The following TTC3 variants were observed in gnomAD, a reference collection of about 807,000 sequenced individuals.
The protein encoded by TTC3 is E3 ubiquitin-protein ligase TTC3.
A neutral mutation model predicts 249.6 loss-of-function variants in TTC3; 180 were observed. The observed-to-expected ratio is 0.72, with a 90% CI of 0.64 to 0.82. TTC3 has a LOEUF of 0.82. Ranked by LOEUF, TTC3 falls within the 40% of genes least tolerant of loss-of-function variation. The pLI is 0.00. For synonymous variants in TTC3, 717 were observed against 805.0 expected, an observed-to-expected ratio of 0.89 and a Z score of 1.85; for missense variants, 2,061 against 2,398.4, an observed-to-expected ratio of 0.86 and a Z score of 2.94.
intron 14 of TTC3, 129 bp from the exon 15 acceptor site, chr21:37,125,951 C>T: frequency 9.7e-6 from 7 of 725,312 alleles, no homozygotes; most frequent in Non-Finnish European, 1.5e-5. Flanking sequence ...GGCTTAATAA[C>T]CAGCTGCATA....
At chr21:37,201,582 T>A (rs2085511793) in exon 46 of TTC3, 2 of 1,610,936 alleles carry the variant, frequency 1.2e-6, no homozygotes, top group Non-Finnish European at 8.5e-7. Context: ...TAGTCACACT[T>A]CACTAAAGTG....
chr21:37,157,115 T>C, intron 28 of TTC3: 1 of 1,414,308 alleles, frequency 7.1e-7, no homozygotes, highest in Non-Finnish European at 9.6e-7. Flanking sequence ...GATACTCAAA[T>C]GTAGGTATGT....
In TTC3 at chr21:37,192,093, C is replaced by T; in HGVS notation, c.5116-19C>T. The T allele has an allele frequency of 6.6e-7, 1 of 1,514,204 alleles. No homozygotes were observed. 93.8% of individuals were successfully genotyped at this position (1,514,204 alleles called of 1,614,324 possible). A position where few individuals can be genotyped will look rare whatever the true frequency, so the allele number is the denominator to read the frequency against. On this transcript the variant is annotated intron_variant, in intron 40 of 45. Coordinates refer to ENST00000355666, the Ensembl canonical transcript of TTC3. ...AATTGACAATTGTGGTTTTCCCACA[C>T]TTTACTTTCTACTCACAGTCTCAGT... is the stretch of plus-strand genomic sequence containing the variant.
In TTC3 at chr21:37,175,751, G is replaced by T. The variant is rs1411760348; in HGVS notation, c.4617+3007G>T. On this transcript the variant is annotated intron_variant, in intron 35 of 45. Coordinates refer to ENST00000355666, the Ensembl canonical transcript of TTC3. ...TAGGCCAGTTATCTATTCTCTGCCG[G>T]CGGAAAAGTGGCTTTTTAAATTTTT... Among the ~76,000 whole-genome samples the T allele has an allele frequency of 2.6e-5, 4 of 151,850 alleles. No homozygotes were observed. The East Asian group carries it at 7.8e-4, about 29-fold the overall frequency.
At chr21:37,079,434 A>G (rs1468161186) in intron 1 of TTC3, among the ~76,000 whole-genome samples, 6 of 150,848 alleles carry the variant, frequency 4.0e-5, no homozygotes, top group Non-Finnish European at 8.8e-5. Context: ...TTGAACAGTC[A>G]TAGGACTGTT....
At chr21:37,150,729 G>A (rs2079386396) in intron 24 of TTC3, 91 bp from the exon 25 acceptor site, 5 of 839,474 alleles carry the variant, frequency 6.0e-6, no homozygotes, top group African/African-American at 3.4e-5. Flanking sequence ...TGAACATTAT[G>A]TGTGCTTCTG....
chr21:37,150,742 A>G (rs527782293), intron 24 of TTC3, 78 bp from the exon 25 acceptor site: 147 of 927,806 alleles, frequency 1.6e-4, no homozygotes, highest in Non-Finnish European at 2.3e-4. Flanking sequence ...TGCTTCTGAA[A>G]TACTTGTTAC....
At chr21:37,077,818 A>G (rs1202175037) in intron 1 of TTC3, among the ~76,000 whole-genome samples, 2 of 152,084 alleles carry the variant, frequency 1.3e-5, no homozygotes, top group Non-Finnish European at 2.9e-5. Flanking sequence ...TGCGTTGTAA[A>G]TATCTTTTTC....
chr21:37,128,479 CTT>C (rs945802106), intron 15 of TTC3, among the ~76,000 whole-genome samples: 1 of 152,208 alleles, frequency 6.6e-6, no homozygotes, highest in African/African-American at 2.4e-5. Flanking sequence ...ACTCTCTACT[CTT>C]GAGTTCAGGC....
At chr21:37,192,763 T>C (rs2835657) in intron 41 of TTC3, among the ~76,000 whole-genome samples, 82,716 of 152,008 alleles carry the variant, frequency 0.54, 23,089 homozygotes, top group African/African-American at 0.65. Context: ...TATTTTACTA[T>C]TTGTTTGAGG....
chr21:37,117,815 G>A lies in TTC3; in HGVS notation c.901-4002G>A, dbSNP rs894874727. ...AGCCCAGGAAGTATGAGGCTGCAGC[G>A]AGCTATGATTGCGCCACTTCAAAAA... is the stretch of plus-strand genomic sequence containing the variant. On this transcript the variant is annotated intron_variant, in intron 11 of 45. Transcript: ENST00000355666. Among the ~76,000 whole-genome samples, 35 of 131,030 alleles carry A rather than the reference G, an allele frequency of 2.7e-4. 1 individual carries two copies. In the East Asian group the frequency reaches 5.7e-3, roughly 21 times the overall value. 86.0% of individuals were successfully genotyped at this position (131,030 alleles called of 152,430 possible).
chr21:37,198,101 C>G (rs909236814), intron 44 of TTC3, 76 bp downstream of exon 44: 85 of 1,463,564 alleles, frequency 5.8e-5, no homozygotes, highest in Non-Finnish European at 7.4e-5. Flanking sequence ...TGATTTAGCC[C>G]CATTCATTTC....
chr21:37,112,673 C>T (rs2075779088), intron 11 of TTC3, among the ~76,000 whole-genome samples: 2 of 152,116 alleles, frequency 1.3e-5, no homozygotes, highest in Admixed American at 1.3e-4. Context: ...AAGAGGGAAT[C>T]CTCCCTAACT....
At chr21:37,156,346 T>C (rs2080085580) in intron 27 of TTC3, among the ~76,000 whole-genome samples, 2 of 152,198 alleles carry the variant, frequency 1.3e-5, no homozygotes, top group Admixed American at 6.5e-5. Context: ...CTCATTGTTA[T>C]ATTTTTAAAG....
At chr21:37,130,964 G>A (rs2077424551) in intron 16 of TTC3, among the ~76,000 whole-genome samples, 1 of 152,096 alleles carries the variant, frequency 6.6e-6, no homozygotes, top group South Asian at 2.1e-4. Context: ...TTTTATCTTT[G>A]ACAGATATTG....
exon 44 of TTC3, chr21:37,197,947 C>G: frequency 6.2e-7 from 1 of 1,614,060 alleles, no homozygotes; most frequent in South Asian, 1.1e-5. Context: ...CCAGGTCCTC[C>G]CAGGGCTCAC....
At chr21:37,159,678 A>G (rs769533822) in intron 28 of TTC3, 21 bp from the exon 29 acceptor site, 1 of 1,610,774 alleles carries the variant, frequency 6.2e-7, no homozygotes, top group Admixed American at 1.7e-5. Flanking sequence ...TTCTCACAAA[A>G]CCATCTGTAT....
chr21:37,128,918 A>C, intron 15 of TTC3, 85 bp from the exon 16 acceptor site: 1 of 1,084,650 alleles, frequency 9.2e-7, no homozygotes, highest in Non-Finnish European at 1.3e-6. Flanking sequence ...TTCTTACTCC[A>C]ATTTATATTT....
intron 1 of TTC3, among the ~76,000 whole-genome samples, chr21:37,075,865 TA>T (rs2070769306): frequency 6.6e-6 from 1 of 152,246 alleles, no homozygotes; most frequent in South Asian, 2.1e-4. Context: ...TGAGGTGATT[TA>T]ATTAAAAGTA....
Sources: gnomAD v4.1 joint callset for allele counts (sites outside exome capture counted in the v4.1 genomes callset) on GRCh38, gnomAD v4.1.1 for gene constraint, MANE v1.5 for transcripts, NCBI Gene and HGNC (gene_info 2026-07-23, HGNC 2026-07-21) for gene names.